The following NR6A1 variants were observed in gnomAD, a reference collection of about 807,000 sequenced individuals.
NR6A1 encodes nuclear receptor subfamily 6 group A member 1.
Under a neutral mutation model 59.1 loss-of-function variants are expected in NR6A1, and 7 were observed. That is an observed-to-expected ratio of 0.12 (90% CI 0.07 to 0.22). The LOEUF (loss-of-function observed/expected upper bound fraction) is 0.22. Among genes scored for constraint, NR6A1 ranks in the 10% least tolerant of loss-of-function variants. The pLI is 1.00. For synonymous variants in NR6A1, 243 were observed against 236.1 expected, an observed-to-expected ratio of 1.03 and a Z score of -0.27; for missense variants, 468 against 611.6, an observed-to-expected ratio of 0.77 and a Z score of 2.48.
At chr9:124,767,680 A>C (rs1840978227) in intron 1 of NR6A1, among the ~76,000 whole-genome samples, 1 of 152,308 alleles carries the variant, frequency 6.6e-6, no homozygotes, top group East Asian at 1.9e-4. Context: ...TTAAATCATC[A>C]TGGGAAATAT....
At chr9:124,727,411 T>C (rs1839753594) in intron 2 of NR6A1, among the ~76,000 whole-genome samples, 1 of 152,250 alleles carries the variant, frequency 6.6e-6, no homozygotes, top group South Asian at 2.1e-4. Flanking sequence ...GTACTTGAAT[T>C]TGTACTGTTA....
At chr9:124,543,891 G>A in intron 3 of NR6A1, 34 bp from the exon 4 acceptor site, 1 of 1,586,924 alleles carries the variant, frequency 6.3e-7, no homozygotes, top group Admixed American at 1.7e-5. Context: ...AAGGCAGTCA[G>A]AAGCACACTC....
chr9:124,604,579 C>CG (rs1325039611), intron 2 of NR6A1, among the ~76,000 whole-genome samples: 1 of 152,138 alleles, frequency 6.6e-6, no homozygotes, highest in Non-Finnish European at 1.5e-5. Flanking sequence ...GACGCTGAGG[C>CG]GGGTAGATCG....
chr9:124,570,824 A>T (rs1269078166), intron 2 of NR6A1, among the ~76,000 whole-genome samples: 1 of 152,210 alleles, frequency 6.6e-6, no homozygotes, highest in Non-Finnish European at 1.5e-5. Flanking sequence ...TTTCATTCAT[A>T]GATAGCTTGG....
At position 124,716,124 on chromosome 9, in the gene NR6A1, G is replaced by A. The variant is rs535286463; in HGVS notation, c.142+17184C>T. On this transcript the variant is annotated intron_variant, in intron 2 of 9. Transcript: ENST00000487099. ...GAGGCTGAGGCAGGAGGATTGCTTG[G>A]GCCCCAGGAAGAGGAGGCTGCAGTG... Among the ~76,000 whole-genome samples the A allele has an allele frequency of 2.0e-5, 3 of 152,166 alleles. No homozygotes were observed. In the East Asian group the frequency reaches 5.8e-4, roughly 29 times the overall value.
chr9:124,525,806 T>C (rs1377073932), intron 8 of NR6A1, among the ~76,000 whole-genome samples: 1 of 152,162 alleles, frequency 6.6e-6, no homozygotes, highest in African/African-American at 2.4e-5. Context: ...AGATTTCTCC[T>C]TCTTCAAGAA....
chr9:124,580,417 G>T (rs1834729121), intron 2 of NR6A1, among the ~76,000 whole-genome samples: 1 of 151,996 alleles, frequency 6.6e-6, no homozygotes, highest in Non-Finnish European at 1.5e-5. Flanking sequence ...ATGACAGCAT[G>T]AAAGAAGGTT....
chr9:124,760,181 G>A (rs942269113), intron 1 of NR6A1, among the ~76,000 whole-genome samples: 10 of 151,722 alleles, frequency 6.6e-5, no homozygotes, highest in African/African-American at 2.2e-4. Flanking sequence ...GCATGGTGGC[G>A]GGCACCTGTA....
chr9:124,607,595 C>T (rs1225392359), intron 2 of NR6A1: 1 of 152,128 alleles, frequency 6.6e-6, no homozygotes, highest in Non-Finnish European at 1.5e-5. Flanking sequence ...GTCTCAATTT[C>T]CTCATCTATA....
At position 124,553,100 on chromosome 9, in the gene NR6A1, T is replaced by C. The variant is rs530273089; in HGVS notation, c.385+1228A>G. The stretch of plus-strand genomic sequence containing the variant: ...TCTGAAGGGTAAGTAACATACCATC[T>C]TAAAGGTAAGATAATTGAATATTGG... On this transcript the variant is annotated intron_variant, in intron 3 of 9. Coordinates refer to ENST00000487099, the MANE Select transcript of NR6A1 (RefSeq NM_033334.4). Among the ~76,000 whole-genome samples the C allele has an allele frequency of 3.3e-5, 5 of 152,306 alleles. No homozygotes were observed. In the East Asian group the frequency reaches 9.6e-4, roughly 29 times the overall value.
chr9:124,679,306 C>G (rs1050541708), intron 2 of NR6A1, among the ~76,000 whole-genome samples: 3 of 152,142 alleles, frequency 2.0e-5, no homozygotes, highest in Non-Finnish European at 4.4e-5. Flanking sequence ...TGACTGACAT[C>G]TTATGGATGC....
At chr9:124,674,166 T>C (rs182797519) in intron 2 of NR6A1, among the ~76,000 whole-genome samples, 2 of 152,344 alleles carry the variant, frequency 1.3e-5, no homozygotes, top group African/African-American at 2.4e-5. Flanking sequence ...AAATGTTAGC[T>C]GATATTATCA....
intron 2 of NR6A1, among the ~76,000 whole-genome samples, chr9:124,617,526 G>A (rs1448280021): frequency 2.0e-5 from 3 of 152,108 alleles, no homozygotes; most frequent in Non-Finnish European, 4.4e-5. Context: ...TGTCTGATGA[G>A]CTATTTTCAA....
chr9:124,599,203 G>A (rs956832680), intron 2 of NR6A1: 3 of 493,760 alleles, frequency 6.1e-6, no homozygotes, highest in African/African-American at 3.9e-5. Context: ...AGCACTCTGG[G>A]AGACTGAGGC....
intron 7 of NR6A1, 138 bp downstream of exon 7, chr9:124,535,740 A>T: frequency 9.2e-7 from 1 of 1,083,528 alleles, no homozygotes; most frequent in Non-Finnish European, 1.3e-6. Flanking sequence ...TCACAAATCT[A>T]GTCAGTGGCA....
intron 2 of NR6A1, among the ~76,000 whole-genome samples, chr9:124,679,735 C>G (rs77320241): frequency 7.1e-6 from 1 of 140,762 alleles, no homozygotes; most frequent in African/African-American, 2.6e-5. Context: ...ACTAAAAATA[C>G]AAAAAAAAAA....
At chr9:124,608,978 T>C (rs1443041442) in intron 2 of NR6A1, among the ~76,000 whole-genome samples, 1 of 152,218 alleles carries the variant, frequency 6.6e-6, no homozygotes, top group African/African-American at 2.4e-5. Flanking sequence ...TTTGCCCACT[T>C]TTTTAATGTG....
At chr9:124,731,570 C>T (rs893345834) in intron 2 of NR6A1, among the ~76,000 whole-genome samples, 28 of 152,140 alleles carry the variant, frequency 1.8e-4, no homozygotes, top group African/African-American at 6.5e-4. Flanking sequence ...TCCTGCCTCC[C>T]CTTTCACCTC....
At chr9:124,765,190 T>A (rs1205135153) in intron 1 of NR6A1, among the ~76,000 whole-genome samples, 5 of 152,228 alleles carry the variant, frequency 3.3e-5, no homozygotes, top group African/African-American at 1.2e-4. Context: ...GATTATATAA[T>A]GCTGATGGAG....
Sources: gnomAD v4.1 joint callset for allele counts (sites outside exome capture counted in the v4.1 genomes callset) on GRCh38, gnomAD v4.1.1 for gene constraint, MANE v1.5 for transcripts, NCBI Gene and HGNC (gene_info 2026-07-23, HGNC 2026-07-21) for gene names.